The following UBE2E2 variants were observed in gnomAD, a reference collection of about 807,000 sequenced individuals.
The protein encoded by UBE2E2 is ubiquitin conjugating enzyme E2 E2.
Under a neutral mutation model 24.7 loss-of-function variants are expected in UBE2E2, and 6 were observed. The ratio of observed to expected loss-of-function variants is 0.24; its 90% CI spans 0.13 to 0.48. UBE2E2 has a LOEUF of 0.48. UBE2E2 is among the 20% of genes least tolerant of loss of function. The probability of loss-of-function intolerance (pLI) is 0.99; values close to 1 mark genes in which losing one functional copy is unlikely to be tolerated. For synonymous variants in UBE2E2, 104 were observed against 83.6 expected (o/e 1.24, Z -1.33); for missense variants, 169 against 245.0 (o/e 0.69, Z 2.07).
intron 3 of UBE2E2, among the ~76,000 whole-genome samples, chr3:23,347,394 TCC>T: frequency 6.6e-6 from 1 of 152,200 alleles, no homozygotes; most frequent in Non-Finnish European, 1.5e-5. Flanking sequence ...TGAGTTCATG[TCC>T]TTTGCAGGGA....
At chr3:23,330,332 T>C (rs544543390) in intron 3 of UBE2E2, among the ~76,000 whole-genome samples, 2 of 152,320 alleles carry the variant, frequency 1.3e-5, no homozygotes, top group African/African-American at 4.8e-5. Flanking sequence ...ATAAAGACTT[T>C]GAAAGAGCTC....
At chr3:23,551,327 T>A (rs1327328114) in intron 5 of UBE2E2, among the ~76,000 whole-genome samples, 1 of 152,242 alleles carries the variant, frequency 6.6e-6, no homozygotes, top group Non-Finnish European at 1.5e-5. Flanking sequence ...TTGGTAAGTA[T>A]TCTCAAATTG....
At chr3:23,310,202 GT>G (rs1353130822) in intron 3 of UBE2E2, among the ~76,000 whole-genome samples, 3 of 151,738 alleles carry the variant, frequency 2.0e-5, no homozygotes, top group Non-Finnish European at 2.9e-5. Flanking sequence ...AGTTACGTTG[GT>G]AAGTTTATTA....
chr3:23,427,224 C>T (rs139038410), intron 3 of UBE2E2, among the ~76,000 whole-genome samples: 4,241 of 148,320 alleles, frequency 0.029, 107 homozygotes, highest in East Asian at 0.13. Context: ...GGGTTCAAGA[C>T]CAGCCTGGGC....
At chr3:23,415,287 C>T (rs1697594033) in intron 3 of UBE2E2, among the ~76,000 whole-genome samples, 1 of 152,164 alleles carries the variant, frequency 6.6e-6, no homozygotes, top group Non-Finnish European at 1.5e-5. Context: ...CTAGCCATTC[C>T]TGGAGTGATA....
In UBE2E2 at chr3:23,456,551, A is replaced by C. The variant is rs114476030; in HGVS notation, c.228-43057A>C. 6.9e-3 allele frequency among the ~76,000 whole-genome samples: 1,054 copies of C among 152,344 alleles called. 11 individuals are homozygous for C. Among genetic ancestry groups the C allele is most frequent in the African/African-American group, 0.024 (994 of 41,582 alleles). ...GTTAGCAGGTATGAAAGCAACATTC[A>C]TCTCCTTATACATCTCCACCAGAGC... On this transcript the variant is annotated intron_variant, in intron 3 of 5. Transcript: ENST00000396703.
At chr3:23,388,256 T>C (rs1696851472) in intron 3 of UBE2E2, among the ~76,000 whole-genome samples, 2 of 152,220 alleles carry the variant, frequency 1.3e-5, no homozygotes, top group Admixed American at 1.3e-4. Flanking sequence ...TATAATTATA[T>C]TGTAATTACA....
chr3:23,340,013 A>AT (rs1695337166), intron 3 of UBE2E2, among the ~76,000 whole-genome samples: 1 of 152,062 alleles, frequency 6.6e-6, no homozygotes, highest in African/African-American at 2.4e-5. Context: ...AATACTGTGA[A>AT]TTTTCAGTTG....
At chr3:23,574,487 A>G (rs1418529318) in intron 5 of UBE2E2, among the ~76,000 whole-genome samples, 2 of 152,152 alleles carry the variant, frequency 1.3e-5, no homozygotes, top group Non-Finnish European at 2.9e-5. Context: ...AGAGTATCTC[A>G]TGTACCCCAT....
In UBE2E2 at chr3:23,300,518, T is replaced by G. The variant is rs760517135; in HGVS notation, c.227+83206T>G. ...TCTCAGCATTTGCTTGTCTGTAAAGTATTTTATTTCTCCTTCACTTATGAA... is the reference window on the plus strand; with the variant it reads ...TCTCAGCATTTGCTTGTCTGTAAAGGATTTTATTTCTCCTTCACTTATGAA... On this transcript the variant is annotated intron_variant, in intron 3 of 5. Transcript: ENST00000396703. 3.7e-4 allele frequency among the ~76,000 whole-genome samples: 56 copies of G among 152,154 alleles called. 1 individual carries two copies. Among genetic ancestry groups the G allele is most frequent in the Middle Eastern group, 3.4e-3 (1 of 294 alleles).
At position 23,297,311 on chromosome 3, in the gene UBE2E2, T is replaced by G. The variant is rs1174347680; in HGVS notation, c.227+79999T>G. On this transcript the variant is annotated intron_variant, in intron 3 of 5. Coordinates refer to ENST00000396703, the MANE Select transcript of UBE2E2 (RefSeq NM_152653.4). ...TTTGCTGTGCAGAAGCTCTTTAGTTTAATTAGATCCCATTTGTCAATTTTG... is the reference window on the plus strand; with the variant it reads ...TTTGCTGTGCAGAAGCTCTTTAGTTGAATTAGATCCCATTTGTCAATTTTG... 2.6e-5 allele frequency among the ~76,000 whole-genome samples: 4 copies of G among 151,938 alleles called. No homozygotes were observed. The East Asian group carries it at 7.7e-4, about 29-fold the overall frequency.
chr3:23,495,849 C>T (rs982863805), intron 3 of UBE2E2, among the ~76,000 whole-genome samples: 1 of 152,160 alleles, frequency 6.6e-6, no homozygotes, highest in Middle Eastern at 3.2e-3. Flanking sequence ...TCCCTTACAC[C>T]ACTGCTTCTC....
intron 3 of UBE2E2, chr3:23,270,882 A>G (rs1698221809): frequency 4.4e-6 from 2 of 456,364 alleles, no homozygotes; most frequent in Non-Finnish European, 8.8e-6. Context: ...TCTCAGATTA[A>G]GAACGATAAT....
intron 3 of UBE2E2, among the ~76,000 whole-genome samples, chr3:23,361,554 A>C (rs765119507): frequency 1.3e-5 from 2 of 152,224 alleles, no homozygotes; most frequent in Non-Finnish European, 2.9e-5. Flanking sequence ...GGTGGACATT[A>C]TTCTAAGTGA....
chr3:23,553,308 C>A (rs1418817523), intron 5 of UBE2E2, among the ~76,000 whole-genome samples: 1 of 143,822 alleles, frequency 7.0e-6, no homozygotes, highest in African/African-American at 2.5e-5. Flanking sequence ...AACTTTATGA[C>A]CTCTAAAAAA....
At chr3:23,354,015 C>G (rs1003504689) in intron 3 of UBE2E2, among the ~76,000 whole-genome samples, 2 of 152,212 alleles carry the variant, frequency 1.3e-5, no homozygotes, top group Non-Finnish European at 2.9e-5. Context: ...ACCAAAGCAG[C>G]ATGGTACTGG....
intron 3 of UBE2E2, among the ~76,000 whole-genome samples, chr3:23,339,166 C>A (rs1485976856): frequency 6.6e-6 from 1 of 152,046 alleles, no homozygotes; most frequent in East Asian, 1.9e-4. Context: ...AAATGCATAT[C>A]CTGAATTTAA....
chr3:23,215,156 A>C (rs906583941), intron 2 of UBE2E2, among the ~76,000 whole-genome samples: 1 of 152,012 alleles, frequency 6.6e-6, no homozygotes, highest in African/African-American at 2.4e-5. Flanking sequence ...CTACTTTGTA[A>C]ATTGGGGATA....
chr3:23,521,674 A>G (rs751296313), intron 4 of UBE2E2, among the ~76,000 whole-genome samples: 26 of 152,160 alleles, frequency 1.7e-4, no homozygotes, highest in Non-Finnish European at 3.1e-4. Context: ...CGGCCAACAC[A>G]AATTGGTAAA....
Sources: gnomAD v4.1 joint callset for allele counts (sites outside exome capture counted in the v4.1 genomes callset) on GRCh38, gnomAD v4.1.1 for gene constraint, MANE v1.5 for transcripts, NCBI Gene and HGNC (gene_info 2026-07-23, HGNC 2026-07-21) for gene names.